Variants in PEX2 observed in about 807,000 individuals in gnomAD.
The protein encoded by PEX2 is peroxisomal biogenesis factor 2.
A neutral mutation model predicts 25.2 loss-of-function variants in PEX2; 19 were observed. The observed-to-expected ratio is 0.75, with a 90% confidence interval of 0.53 to 1.10. The LOEUF is 1.10. Ranked by LOEUF, PEX2 falls within the 50% of genes least tolerant of loss-of-function variation. The probability of loss-of-function intolerance (pLI) is 0.00; values close to 1 mark genes in which losing one functional copy is unlikely to be tolerated. For missense variants in PEX2, 347 were observed against 350.6 expected (o/e 0.99, Z 0.08); for synonymous variants, 141 against 127.7 (o/e 1.10, Z -0.70).
intron 1 of PEX2, among the ~76,000 whole-genome samples, chr8:76,996,091 G>C (rs1320872907): frequency 6.6e-6 from 1 of 152,158 alleles, no homozygotes; most frequent in Non-Finnish European, 1.5e-5. Context: ...ACAGGAGACA[G>C]AGACAGTATT....
At chr8:76,985,322 G>A (rs765649709) in intron 3 of PEX2, among the ~76,000 whole-genome samples, 1 of 152,072 alleles carries the variant, frequency 6.6e-6, no homozygotes. Flanking sequence ...TGAGAGAAAT[G>A]GGAGATATTA....
chr8:76,986,874 T>C (rs946177629), intron 2 of PEX2, among the ~76,000 whole-genome samples: 1 of 152,132 alleles, frequency 6.6e-6, no homozygotes, highest in African/African-American at 2.4e-5. Context: ...GTTGTGAAGA[T>C]TATTTGAGCC....
intron 3 of PEX2, among the ~76,000 whole-genome samples, chr8:76,985,459 T>C (rs944474791): frequency 1.3e-5 from 2 of 152,164 alleles, no homozygotes; most frequent in Non-Finnish European, 2.9e-5. Context: ...AGTGTCCTCA[T>C]CACACACATA....
chr8:76,985,479 G>A (rs903736181), intron 3 of PEX2, among the ~76,000 whole-genome samples: 5 of 152,076 alleles, frequency 3.3e-5, no homozygotes, highest in Admixed American at 6.5e-5. Flanking sequence ...ACACACAGGT[G>A]GTAAGTAACT....
intron 1 of PEX2, 99 bp from the exon 2 acceptor site, chr8:76,988,437 A>G (rs1054282255): frequency 1.3e-5 from 2 of 152,250 alleles, no homozygotes; most frequent in African/African-American, 4.8e-5. Context: ...CAGTCTATTA[A>G]GTGTGCAATA....
rs755169713 is a variant in PEX2, at chr8:76,983,718, A to G, written c.461T>C (p.Phe154Ser). The G allele has an allele frequency of 2.5e-6, 4 of 1,613,970 alleles. No individual in the cohort carries two copies. The African/African-American group carries it at 4.0e-5, about 16-fold the overall frequency. ...GLLKLGGLIN[F>S]LIFLQRGKFA... is the part of the protein sequence containing the mutation. The stretch of plus-strand genomic sequence containing the variant: ...CTTTCCCCTCTGAAGGAAAATCAAA[A>G]AATTAATCAGCCCACCTAATTTCAA... The change falls in exon 4 of 4, where the codon TTT (phenylalanine) becomes TCT (serine). Residue 154 changes from phenylalanine (F) to serine (S), a missense_variant. Coordinates refer to ENST00000357039, the MANE Select transcript of PEX2 (RefSeq NM_000318.3).
chr8:76,987,051 A>G (rs1807024964), intron 2 of PEX2, among the ~76,000 whole-genome samples: 1 of 152,230 alleles, frequency 6.6e-6, no homozygotes, highest in Admixed American at 6.5e-5. Context: ...AAATTACCAT[A>G]TCCAGAAAGA....
chr8:76,991,737 C>T (rs1337096378), intron 1 of PEX2, among the ~76,000 whole-genome samples: 1 of 152,166 alleles, frequency 6.6e-6, no homozygotes, highest in Non-Finnish European at 1.5e-5. Flanking sequence ...CTGTCACTTA[C>T]TTGCTATGAG....
At chr8:76,993,827 C>G (rs943296743) in intron 1 of PEX2, among the ~76,000 whole-genome samples, 1 of 151,950 alleles carries the variant, frequency 6.6e-6, no homozygotes, top group East Asian at 1.9e-4. Context: ...AAATGCTAAC[C>G]CAGGGGAGGG....
chr8:76,992,556 T>C (rs1044898692), intron 1 of PEX2, among the ~76,000 whole-genome samples: 1 of 152,234 alleles, frequency 6.6e-6, no homozygotes, highest in African/African-American at 2.4e-5. Context: ...AACCCAATTA[T>C]GGAATCTTCT....
In PEX2 at chr8:76,983,476, T is replaced by C. The variant is rs1345316527; in HGVS notation, c.703A>G (p.Asn235Asp). The change falls in exon 4 of 4, where the codon AAT becomes GAT. Residue 235 changes from asparagine (N) to aspartate (D), a missense_variant. Asn to Asp is a conservative substitution (Grantham distance 23). Coordinates refer to ENST00000357039, the MANE Select transcript of PEX2 (RefSeq NM_000318.3). Reference protein sequence around the residue: ...IPLTGAPNSDNTLATSGKECA... With the variant: ...IPLTGAPNSDDTLATSGKECA... ...TCTTTGCCACTGGTGGCTAATGTAT[T>C]GTCACTATTAGGTGCACCAGTAAGA... is the stretch of plus-strand genomic sequence containing the variant. 1.9e-6 allele frequency: 3 copies of C among 1,614,174 alleles called. No individual in the cohort carries two copies. The Admixed American group carries it at 5.0e-5, about 27-fold the overall frequency.
chr8:76,983,687 T>G lies in PEX2; in HGVS notation c.492A>C (p.Ala164=). 6.2e-7 allele frequency: 1 copy of G among 1,614,134 alleles called. No individual in the cohort carries two copies. ...TACCTAGGAGACGTTCTGTCAAAGT[T>G]GCAAACTTTCCCCTCTGAAGGAAAA... is the stretch of plus-strand genomic sequence containing the variant. ...FLIFLQRGKF[A]TLTERLLGIH... is the part of the protein sequence containing the mutation. Residue 164 remains alanine, a synonymous_variant, in exon 4 of 4, where the codon GCA becomes GCC. Transcript: ENST00000357039.
chr8:76,999,996 A>C lies in PEX2; in HGVS notation c.-166T>G. 2.2e-6 allele frequency: 1 copy of C among 455,852 alleles called. No individual in the cohort carries two copies. The allele number at this position is 455,852 out of a possible 1,614,324, so 28.2% of individuals were successfully genotyped here. A position where few individuals can be genotyped will look rare whatever the true frequency, so the allele number is the denominator to read the frequency against. On this transcript the variant is annotated 5_prime_UTR_variant, in exon 1 of 4. Coordinates refer to ENST00000357039, the MANE Select transcript of PEX2 (RefSeq NM_000318.3). Reference sequence around the variant, plus strand: ...CTCTAGGGCAGACACTGACCTTAGGAGTCTGCGAAACGCCCACGCTCCACG... The same window carrying C: ...CTCTAGGGCAGACACTGACCTTAGGCGTCTGCGAAACGCCCACGCTCCACG...
chr8:76,991,763 A>C, intron 1 of PEX2, among the ~76,000 whole-genome samples: 1 of 152,202 alleles, frequency 6.6e-6, no homozygotes, highest in East Asian at 1.9e-4. Flanking sequence ...AAAAAACTTC[A>C]TTAGCCTCGG....
intron 1 of PEX2, 37 bp downstream of exon 1, chr8:76,999,953 C>T (rs75277859): frequency 0.013 from 5,925 of 456,572 alleles, 274 homozygotes; most frequent in African/African-American, 0.1. Flanking sequence ...AACAAGACCT[C>T]GGGTTTGCAC....
intron 1 of PEX2, among the ~76,000 whole-genome samples, chr8:76,995,039 C>T (rs886730931): frequency 2.0e-5 from 3 of 151,982 alleles, no homozygotes; most frequent in Admixed American, 6.6e-5. Context: ...CAAATATGGG[C>T]AAAAGAAAAA....
At position 76,996,737 on chromosome 8, in the gene PEX2, T is replaced by C. The variant is rs73691484; in HGVS notation, c.-160+3253A>G. 9.3e-3 allele frequency among the ~76,000 whole-genome samples: 1,419 copies of C among 152,322 alleles called. 15 individuals are homozygous for C. Among genetic ancestry groups the C allele is most frequent in the African/African-American group, 0.032 (1,335 of 41,566 alleles). ...GAACAAAGAGCCATTAGCAATGGAA[T>C]AGGAGGAACTACCATGTGATACATA... On this transcript the variant is annotated intron_variant, in intron 1 of 3. Coordinates refer to ENST00000357039, the MANE Select transcript of PEX2 (RefSeq NM_000318.3).
At chr8:76,995,679 T>C (rs1255349477) in intron 1 of PEX2, among the ~76,000 whole-genome samples, 2 of 152,176 alleles carry the variant, frequency 1.3e-5, no homozygotes, top group Admixed American at 6.5e-5. Flanking sequence ...GGGCCTAGCT[T>C]TATAAGTATA....
intron 1 of PEX2, among the ~76,000 whole-genome samples, chr8:76,997,782 G>A (rs1219239682): frequency 6.6e-6 from 1 of 152,164 alleles, no homozygotes; most frequent in Non-Finnish European, 1.5e-5. Flanking sequence ...TTGTATAGAT[G>A]GGAATATGTT....
Sources: allele counts gnomAD v4.1 joint callset (sites outside exome capture counted in the v4.1 genomes callset), GRCh38; gene constraint gnomAD v4.1.1; transcripts MANE v1.5; gene names NCBI Gene and HGNC (gene_info 2026-07-23, HGNC 2026-07-21).